Variants in MIDEAS observed in about 807,000 individuals in gnomAD.
MIDEAS encodes the protein mitotic deacetylase-associated SANT domain protein.
MIDEAS carries 26 observed loss-of-function variants against 102.7 expected under a neutral mutation model. The observed-to-expected ratio is 0.25, with a 90% CI of 0.19 to 0.35. The LOEUF is 0.35. MIDEAS is among the 10% of genes least tolerant of loss of function. The pLI is 1.00. For synonymous variants in MIDEAS, 585 were observed against 591.0 expected (o/e 0.99, Z 0.15); for missense variants, 1,231 against 1,435.6 (o/e 0.86, Z 2.30).
intron 1 of MIDEAS, among the ~76,000 whole-genome samples, chr14:73,786,594 G>C (rs1158112426): frequency 6.6e-6 from 1 of 152,232 alleles, no homozygotes; most frequent in East Asian, 1.9e-4. Flanking sequence ...GCGTAGGGTT[G>C]TTTTCCCAAA....
At chr14:73,747,797 CT>C (rs2053372179) in intron 1 of MIDEAS, among the ~76,000 whole-genome samples, 1 of 152,108 alleles carries the variant, frequency 6.6e-6, no homozygotes, top group Non-Finnish European at 1.5e-5. Context: ...GGGCCACAGC[CT>C]GGCATAGTGA....
intron 4 of MIDEAS, among the ~76,000 whole-genome samples, chr14:73,729,388 T>C (rs920609995): frequency 6.6e-6 from 1 of 151,668 alleles, no homozygotes; most frequent in Non-Finnish European, 1.5e-5. Context: ...GCCCAGGGAG[T>C]TGAAGTGACT....
intron 1 of MIDEAS, among the ~76,000 whole-genome samples, chr14:73,757,289 A>AAAAAAAAAAAAAAAAC (rs1227009731): frequency 6.7e-6 from 1 of 150,312 alleles, no homozygotes; most frequent in Non-Finnish European, 1.5e-5. Flanking sequence ...CAAAAAAAAA[A>AAAAAAAAAAAAAAAAC]AAAAACACTA....
Position 73,737,084 on chromosome 14 carries a change from C to T in MIDEAS, c.1663G>A (p.Glu555Lys), listed in dbSNP as rs764264585. Residue 555 changes from glutamate (E) to lysine (K), a missense_variant, in exon 3 of 13, where the codon GAA (glutamate) becomes AAA (lysine). Transcript: ENST00000423556. The part of the protein sequence containing the change: ...GGLDEDGKGP[E>K]QNPAEHKPSV... The stretch of plus-strand genomic sequence containing the variant: ...GGCTTGTGCTCAGCAGGGTTCTGTT[C>T]AGGACCCTTCCCGTCCTCATCAAGA... 1.7e-5 allele frequency: 27 copies of T among 1,614,036 alleles called. No individual in the cohort carries two copies. The Admixed American group carries it at 2.2e-4, about 13-fold the overall frequency.
Position 73,739,311 on chromosome 14 carries a change from CCCTGCCGGAAGA to C in MIDEAS, c.686_697del (p.Val229_Gln232del). On this transcript the variant is annotated inframe_deletion, in exon 2 of 13. Coordinates refer to ENST00000423556, the MANE Select transcript of MIDEAS (RefSeq NM_001367710.1). Reference sequence around the variant, plus strand: ...AGCCACCGGGTTTGGGGGCGGTGGGCCCTGCCGGAAGACCTGCCGGTTCACCTGGTGGCCGAA... The same window carrying C: ...AGCCACCGGGTTTGGGGGCGGTGGGCCCTGCCGGTTCACCTGGTGGCCGAA... The C allele has an allele frequency of 1.2e-6, 2 of 1,610,348 alleles. No individual in the cohort carries two copies. Among genetic ancestry groups the C allele is most frequent in the Non-Finnish European group, 1.7e-6 (2 of 1,178,828 alleles).
chr14:73,788,544 A>G (rs2053840220), upstream of MIDEAS, among the ~76,000 whole-genome samples: 1 of 152,250 alleles, frequency 6.6e-6, no homozygotes, highest in Non-Finnish European at 1.5e-5. Context: ...TCCTAGCAAC[A>G]TGAAATCCTC....
chr14:73,725,937 C>A lies in MIDEAS; in HGVS notation c.2485+96G>T. ...GCTTATCTACCCTCCTCCTCCCGCC[C>A]CCACCCAGGGCTGTGACTCAGCACT... On this transcript the variant is annotated intron_variant, in intron 8 of 12. Transcript: ENST00000423556. This position sits in a 1 kb window ranked among gnomAD's most constrained non-coding sequence, Gnocchi z 4.1. The A allele has an allele frequency of 9.0e-7, 1 of 1,108,324 alleles. No individual in the cohort carries two copies. Among genetic ancestry groups the A allele is most frequent in the Non-Finnish European group, 1.3e-6 (1 of 748,960 alleles). 68.7% of individuals were successfully genotyped at this position (1,108,324 alleles called of 1,614,324 possible).
rs780115366 is a variant in MIDEAS at position 73,738,637 on chromosome 14, G to A, written c.1372C>T (p.Arg458Cys). The change falls in exon 2 of 13, where the codon CGC (arginine) becomes TGC (cysteine). Residue 458 changes from arginine (R) to cysteine (C), a missense_variant. This residue lies in a region of MIDEAS where 758 missense variants were observed against 856.0 expected (regional missense o/e 0.89). Transcript: ENST00000423556. ...GGVIQSTRRRRRASQEANLLT... is the reference protein window; with the variant it reads ...GGVIQSTRRRCRASQEANLLT... ...AAATTGGCCTCCTGGGATGCCCGGC[G>A]CCTCCGTCGCGTGCTCTGGATCACT... 3.7e-6 allele frequency: 6 copies of A among 1,612,838 alleles called. No homozygotes were observed. The highest frequency in any genetic ancestry group is 1.1e-5 in the South Asian group (1 of 90,922).
At chr14:73,721,538 G>A (rs780228313) in intron 10 of MIDEAS, 29 bp from the exon 11 acceptor site, 1 of 1,600,746 alleles carries the variant, frequency 6.2e-7, no homozygotes, top group South Asian at 1.1e-5. Context: ...AGGGCAGTGA[G>A]CCTAGAGCTC....
intron 12 of MIDEAS, 72 bp downstream of exon 12, chr14:73,719,233 T>TCCCCCCCCCC: frequency 3.6e-6 from 2 of 555,436 alleles, no homozygotes; most frequent in Non-Finnish European, 2.4e-6. Context: ...CCCCCTCCCC[T>TCCCCCCCCCC]CCACCCCACC....
In MIDEAS at chr14:73,736,963, G is replaced by A. The variant is rs770742701; in HGVS notation, c.1749+35C>T. 1.6e-5 allele frequency: 26 copies of A among 1,590,210 alleles called. 1 individual carries two copies. The highest frequency in any genetic ancestry group is 4.5e-5 in the East Asian group (2 of 44,454). On this transcript the variant is annotated intron_variant, in intron 3 of 12. Transcript: ENST00000423556. Reference sequence around the variant, plus strand: ...GGTCCTGGGCCCCCTGAGCACTCACGCGCTGGAGGTGTTTAGAAGGGGCGC... The same window carrying A: ...GGTCCTGGGCCCCCTGAGCACTCACACGCTGGAGGTGTTTAGAAGGGGCGC...
In MIDEAS at chr14:73,737,180, C is replaced by T. The variant is rs745690518; in HGVS notation, c.1567G>A (p.Val523Ile). ...ACAGACACTGGGATGATGAGGGGTA[C>T]CATCCCACTGTCTTCTCGTGCTCGC... is the stretch of plus-strand genomic sequence containing the variant. Reference protein sequence around the residue: ...TKRAREDSGMVPLIIPVSVPV... With the variant: ...TKRAREDSGMIPLIIPVSVPV... The change falls in exon 3 of 13, where the codon GTA (valine) becomes ATA (isoleucine). Residue 523 changes from valine (V) to isoleucine (I), a missense_variant. Physicochemically the swap from Val to Ile is conservative, Grantham distance 29 (BLOSUM62 3). Transcript: ENST00000423556. 1 of 1,614,058 alleles carries T rather than the reference C, an allele frequency of 6.2e-7. No homozygotes were observed. The highest frequency in any genetic ancestry group is 1.1e-5 in the South Asian group (1 of 91,076).
chr14:73,740,366 T>A (rs541315102), intron 1 of MIDEAS, 111 bp from the exon 2 acceptor site: 18 of 397,884 alleles, frequency 4.5e-5, no homozygotes, highest in Non-Finnish European at 4.9e-5. Context: ...CACCACCTCA[T>A]ATCACAGGGA....
intron 1 of MIDEAS, among the ~76,000 whole-genome samples, chr14:73,767,640 GGGT>G (rs937510491): frequency 4.6e-5 from 7 of 152,038 alleles, no homozygotes; most frequent in African/African-American, 1.7e-4. Context: ...TCTGTCTCAA[GGGT>G]GGGGGGAAAA....
upstream of MIDEAS, among the ~76,000 whole-genome samples, chr14:73,789,406 T>C (rs1357161571): frequency 6.6e-6 from 1 of 152,092 alleles, no homozygotes; most frequent in African/African-American, 2.4e-5. Context: ...CTTCCCCCCA[T>C]GTTAATCAAG....
Position 73,729,692 on chromosome 14 carries a change from A to G in MIDEAS, c.2043T>C (p.Pro681=). 6.2e-7 allele frequency: 1 copy of G among 1,613,868 alleles called. No individual in the cohort carries two copies. Among genetic ancestry groups the G allele is most frequent in the Non-Finnish European group, 8.5e-7 (1 of 1,179,990 alleles). The part of the protein sequence containing the change: ...FNAIISTSTI[P]APPPITPKSA... ...TCTTAGGCGTGATGGGAGGAGGGGC[A>G]GGGATGGTGCTGGTTGATATGATGG... is the stretch of plus-strand genomic sequence containing the variant. The change falls in exon 4 of 13, where the codon CCT becomes CCC. Residue 681 remains proline (P), a synonymous_variant. Transcript: ENST00000423556.
At chr14:73,768,432 C>T (rs1047646917) in intron 1 of MIDEAS, among the ~76,000 whole-genome samples, 3 of 152,062 alleles carry the variant, frequency 2.0e-5, no homozygotes, top group Admixed American at 6.5e-5. Context: ...AGACTGGAGC[C>T]TCATGGGCCA....
upstream of MIDEAS, chr14:73,788,850 C>T (rs2053842717): frequency 6.6e-6 from 1 of 152,212 alleles, no homozygotes. Flanking sequence ...TCATGTGATA[C>T]TCCATATTTG....
chr14:73,775,934 G>A (rs150245342), intron 1 of MIDEAS, among the ~76,000 whole-genome samples: 28 of 152,048 alleles, frequency 1.8e-4, no homozygotes, highest in African/African-American at 6.3e-4. Context: ...AGGAGATAGG[G>A]TAGAACATCT....
Sources: gnomAD v4.1 joint callset for allele counts (sites outside exome capture counted in the v4.1 genomes callset) on GRCh38, gnomAD v4.1.1 for gene constraint, gnomAD v4.1.1 regional missense constraint, Gnocchi (gnomAD v3.1) non-coding constraint, MANE v1.5 for transcripts, NCBI Gene and HGNC (gene_info 2026-07-23, HGNC 2026-07-21) for gene names.